CMYA5: variants seen among roughly 807,000 people sequenced by gnomAD.
CMYA5 encodes the protein cardiomyopathy-associated protein 5.
CMYA5 carries 246 observed loss-of-function variants against 318.9 expected under a neutral mutation model. That is an observed-to-expected ratio of 0.77 (90% CI 0.70 to 0.86). The LOEUF is 0.86. Among genes scored for constraint, CMYA5 ranks in the 40% least tolerant of loss-of-function variants. The pLI is 0.00. For synonymous variants in CMYA5, 1,641 were observed against 1,729.5 expected (o/e 0.95, Z 1.27); for missense variants, 4,589 against 4,678.2 (o/e 0.98, Z 0.56).
intron 1 of CMYA5, among the ~76,000 whole-genome samples, chr5:79,691,390 C>T (rs1466481108): frequency 6.6e-6 from 1 of 152,242 alleles, no homozygotes; most frequent in Non-Finnish European, 1.5e-5. Flanking sequence ...CCAAGAGAAT[C>T]TGAAAACTCA....
chr5:79,728,728 G>A (rs559559065), intron 1 of CMYA5, among the ~76,000 whole-genome samples, 187 bp from the exon 2 acceptor site: 1 of 151,926 alleles, frequency 6.6e-6, no homozygotes, highest in African/African-American at 2.4e-5. Flanking sequence ...CATTGTATTG[G>A]GTATCCTGAC....
In CMYA5 at chr5:79,745,342, G is replaced by A; in HGVS notation, c.10855G>A (p.Glu3619Lys). 1 of 1,613,734 alleles carries A rather than the reference G, an allele frequency of 6.2e-7. No homozygotes were observed. The highest frequency in any genetic ancestry group is 8.5e-7 in the Non-Finnish European group (1 of 1,179,726). ...TGAGGAAGTGAAGAAGAAGAAGATG[G>A]AGTTCCTGCATGAGCAGATGGTCCA... is the stretch of plus-strand genomic sequence containing the variant. Reference protein sequence around the residue: ...SFEEVKKKKMEFLHEQMVHFL... With the variant: ...SFEEVKKKKMKFLHEQMVHFL... The change falls in exon 4 of 13, where the codon GAG becomes AAG. Residue 3619 changes from glutamate (E) to lysine (K), a missense_variant. By Grantham distance (56) the Glu-to-Lys change is moderately conservative. Around this residue, in one of 3 missense-constraint regions of CMYA5, gnomAD observed 2,431 missense variants for 2,495.1 expected, o/e 0.97. Transcript: ENST00000446378.
At position 79,731,881 on chromosome 5, in the gene CMYA5, C is replaced by G. The variant is rs1315593831; in HGVS notation, c.3116C>G (p.Ser1039Ter). ...TCTGCTTCAGGTTATTCCTGCTTTT[C>G]AGAAGCAGATGAGGAAGACATTGGA... ...AVSASGYSCF[S>*]EADEEDIGST... Residue 1039 changes from serine to a stop codon, truncating the protein, a stop_gained, in exon 2 of 13, where the codon TCA becomes TGA. Transcript: ENST00000446378. LOFTEE classifies it high-confidence loss of function. The G allele has an allele frequency of 6.2e-7, 1 of 1,613,464 alleles. No individual in the cohort carries two copies.
At chr5:79,708,791 C>G (rs1258248834) in intron 1 of CMYA5, among the ~76,000 whole-genome samples, 1 of 151,596 alleles carries the variant, frequency 6.6e-6, no homozygotes, top group African/African-American at 2.4e-5. Context: ...AAAAGTTAGC[C>G]AGGCGTGGTG....
chr5:79,733,469 T>C lies in CMYA5; in HGVS notation c.4704T>C (p.Ser1568=), dbSNP rs777244345. 6.2e-7 allele frequency: 1 copy of C among 1,613,946 alleles called. No homozygotes were observed. Among genetic ancestry groups the C allele is most frequent in the South Asian group, 1.1e-5 (1 of 91,082 alleles). The change falls in exon 2 of 13, where the codon AGT becomes AGC. Residue 1568 remains serine (S), a synonymous_variant. Transcript: ENST00000446378. ...IPKGKDEETA[S]SSPELENLAS... is the part of the protein sequence containing the mutation. Reference sequence around the variant, plus strand: ...AAGGCAAAGATGAGGAAACAGCAAGTTCATCTCCTGAGTTGGAAAATTTAG... The same window carrying C: ...AAGGCAAAGATGAGGAAACAGCAAGCTCATCTCCTGAGTTGGAAAATTTAG...
At chr5:79,778,901 T>A (rs1337034686) in intron 9 of CMYA5, among the ~76,000 whole-genome samples, 2 of 91,744 alleles carry the variant, frequency 2.2e-5, no homozygotes, top group Non-Finnish European at 3.9e-5. Context: ...TTTATTTTTA[T>A]TTTTTTTTTT....
At chr5:79,765,071 T>C (rs1042193050) in intron 9 of CMYA5, among the ~76,000 whole-genome samples, 3 of 152,238 alleles carry the variant, frequency 2.0e-5, no homozygotes, top group African/African-American at 7.2e-5. Context: ...CCCATGCCTA[T>C]GTCCTGAATG....
At position 79,689,860 on chromosome 5, in the gene CMYA5, G is replaced by C. The variant is rs772520148; in HGVS notation, c.-48G>C. On this transcript the variant is annotated 5_prime_UTR_variant, in exon 1 of 13. Transcript: ENST00000446378. ...CAGTCGGAGGGAGAACACCAGGCGC[G>C]GCGCGGGCGGCTCCGGCTCCGGCCC... The C allele has an allele frequency of 1.2e-4, 76 of 648,200 alleles. No individual in the cohort carries two copies. The highest frequency in any genetic ancestry group is 1.0e-3 in the African/African-American group (51 of 51,142). The allele number at this position is 648,200 out of a possible 1,614,324, so 40.2% of individuals were successfully genotyped here.
At chr5:79,708,978 A>C (rs565559315) in intron 1 of CMYA5, among the ~76,000 whole-genome samples, 21 of 152,178 alleles carry the variant, frequency 1.4e-4, no homozygotes, top group Non-Finnish European at 2.8e-4. Context: ...AGTTTTTTAA[A>C]AATGGTAGTT....
chr5:79,794,884 G>A (rs1162632016), intron 12 of CMYA5, among the ~76,000 whole-genome samples: 1 of 152,100 alleles, frequency 6.6e-6, no homozygotes, highest in African/African-American at 2.4e-5. Context: ...TCAAGTCAGA[G>A]CAATTATGAT....
chr5:79,710,526 A>G (rs1827368967), intron 1 of CMYA5, among the ~76,000 whole-genome samples: 1 of 152,210 alleles, frequency 6.6e-6, no homozygotes, highest in Non-Finnish European at 1.5e-5. Context: ...ACATTACAAA[A>G]CATATCATTT....
At chr5:79,777,481 A>G (rs771638580) in intron 9 of CMYA5, among the ~76,000 whole-genome samples, 2 of 152,220 alleles carry the variant, frequency 1.3e-5, no homozygotes, top group Non-Finnish European at 2.9e-5. Flanking sequence ...AATTAAAAAA[A>G]AAATTTTAGG....
chr5:79,791,185 T>C, intron 11 of CMYA5, 116 bp downstream of exon 11: 1 of 675,508 alleles, frequency 1.5e-6, no homozygotes. Context: ...CATGTCGGGA[T>C]GTGGTCTCAA....
At chr5:79,761,022 G>A (rs76167542) in intron 7 of CMYA5, among the ~76,000 whole-genome samples, 1 of 152,086 alleles carries the variant, frequency 6.6e-6, no homozygotes, top group Non-Finnish European at 1.5e-5. Flanking sequence ...GAGTCATAAG[G>A]GGGGGAAACT....
intron 3 of CMYA5, among the ~76,000 whole-genome samples, chr5:79,744,384 T>C (rs1828278114): frequency 6.6e-6 from 1 of 152,212 alleles, no homozygotes; most frequent in African/African-American, 2.4e-5. Context: ...ATAGCACGAC[T>C]ATCTCTGATG....
At chr5:79,749,252 A>G (rs754763876) in intron 5 of CMYA5, among the ~76,000 whole-genome samples, 1 of 152,220 alleles carries the variant, frequency 6.6e-6, no homozygotes, top group Non-Finnish European at 1.5e-5. Flanking sequence ...GGATTTGGTG[A>G]AGAAAGATGA....
chr5:79,735,305 G>A lies in CMYA5; in HGVS notation c.6540G>A (p.Ser2180=), dbSNP rs781109063. Reference sequence around the variant, plus strand: ...AGAAAGGAATTTCATCTTTCAAATCGTGGATGTCCAGCTTGTTTTTTGGAT... The same window carrying A: ...AGAAAGGAATTTCATCTTTCAAATCATGGATGTCCAGCTTGTTTTTTGGAT... ...KGKKGISSFK[S]WMSSLFFGSS... The change falls in exon 2 of 13, where the codon TCG becomes TCA. Residue 2180 remains serine (S), a synonymous_variant. Transcript: ENST00000446378. 6.8e-6 allele frequency: 11 copies of A among 1,613,698 alleles called. No individual in the cohort carries two copies. Among genetic ancestry groups the A allele is most frequent in the East Asian group, 2.2e-5 (1 of 44,882 alleles).
chr5:79,736,872 G>C lies in CMYA5; in HGVS notation c.8107G>C (p.Val2703Leu). Reference protein sequence around the residue: ...TVKQGFQEKAVGTQPRPLEES... With the variant: ...TVKQGFQEKALGTQPRPLEES... ...GAAACAAGGATTTCAAGAAAAGGCA[G>C]TAGGAACCCAACCACGTCCTTTAGA... Residue 2703 changes from valine to leucine, a missense_variant, in exon 2 of 13, where the codon GTA (valine) becomes CTA (leucine). Physicochemically the swap from Val to Leu is conservative, Grantham distance 32. Transcript: ENST00000446378. 1 of 1,612,898 alleles carries C rather than the reference G, an allele frequency of 6.2e-7. No individual in the cohort carries two copies. Among genetic ancestry groups the C allele is most frequent in the Non-Finnish European group, 8.5e-7 (1 of 1,179,716 alleles).
At position 79,710,090 on chromosome 5, in the gene CMYA5, T is replaced by G. The variant is rs527974157; in HGVS notation, c.150-18825T>G. On this transcript the variant is annotated intron_variant, in intron 1 of 12. Transcript: ENST00000446378. ...CTAGATTTTCTTTATATATTCCTACTAACAGTACATATTCACATTTTGAAT... is the reference window on the plus strand; with the variant it reads ...CTAGATTTTCTTTATATATTCCTACGAACAGTACATATTCACATTTTGAAT... Among the ~76,000 whole-genome samples, 37 of 151,628 alleles carry G rather than the reference T, an allele frequency of 2.4e-4. 1 individual carries two copies. The highest frequency in any genetic ancestry group is 2.4e-3 in the Admixed American group (36 of 15,214).
Sources: allele counts gnomAD v4.1 joint callset (sites outside exome capture counted in the v4.1 genomes callset), GRCh38; gene constraint gnomAD v4.1.1; regional missense constraint gnomAD v4.1.1; transcripts MANE v1.5; gene names NCBI Gene and HGNC (gene_info 2026-07-23, HGNC 2026-07-21).